HARS2: variants seen among roughly 807,000 people sequenced by gnomAD.
HARS2 encodes the protein histidine--tRNA ligase, mitochondrial.
HARS2 carries 40 observed loss-of-function variants against 62.4 expected under a neutral mutation model. The ratio of observed to expected loss-of-function variants is 0.64; its 90% CI spans 0.50 to 0.83. The LOEUF is 0.83. Ranked by LOEUF, HARS2 falls within the 40% of genes least tolerant of loss-of-function variation. The pLI, the probability that HARS2 is intolerant of heterozygous loss-of-function variation, is 0.00. For synonymous variants in HARS2, 228 were observed against 227.0 expected, an observed-to-expected ratio of 1.00 and a Z score of -0.04; for missense variants, 569 against 626.4, an observed-to-expected ratio of 0.91 and a Z score of 0.98.
At chr5:140,697,139 A>T in intron 9 of HARS2, 25 bp from the exon 10 acceptor site, 2 of 1,614,080 alleles carry the variant, frequency 1.2e-6, no homozygotes, top group Non-Finnish European at 8.5e-7. Context: ...CTAGTTTGGG[A>T]CTGACTGTAA....
intron 1 of HARS2, 155 bp downstream of exon 1, chr5:140,691,911 A>T: frequency 1.5e-6 from 1 of 649,418 alleles, no homozygotes; most frequent in South Asian, 1.7e-5. Context: ...ATGCCTGGTC[A>T]TTTAATCCTT....
In HARS2 at chr5:140,698,548, C is replaced by T. The variant is rs1374843318; in HGVS notation, c.1517C>T (p.Ser506Phe). 2 of 1,611,146 alleles carry T rather than the reference C, an allele frequency of 1.2e-6. No individual in the cohort carries two copies. Among genetic ancestry groups the T allele is most frequent in the Admixed American group, 3.3e-5 (2 of 60,022 alleles). The change falls in exon 13 of 13, where the codon TCT becomes TTT. Residue 506 changes from serine (S) to phenylalanine (F), a missense_variant. Transcript: ENST00000230771. Reference sequence around the variant, plus strand: ...GAAATTCAGAAGCGACTGTCTGAGTCTTGATCCTTGCCTGATTCCCATCTG... The same window carrying T: ...GAAATTCAGAAGCGACTGTCTGAGTTTTGATCCTTGCCTGATTCCCATCTG... ...VAEIQKRLSE[S>F]
intron 12 of HARS2, 140 bp downstream of exon 12, chr5:140,698,218 C>A: frequency 1.1e-6 from 1 of 895,994 alleles, no homozygotes; most frequent in Non-Finnish European, 1.8e-6. Context: ...CTCAAGATGA[C>A]CATTGCTGCC....
In HARS2 at chr5:140,691,743, G is replaced by T. The variant is rs1185984932; in HGVS notation, c.95G>T (p.Arg32Leu). Residue 32 changes from arginine (R) to leucine (L), a missense_variant, in exon 1 of 13, where the codon CGT (arginine) becomes CTT (leucine). Physicochemically the swap from Arg to Leu is moderately radical, Grantham distance 102. Transcript: ENST00000230771. ...PPCASCTGAV[R>L]CQSQVAEAVL... Reference sequence around the variant, plus strand: ...TGCGCTTCGTGCACCGGGGCGGTCCGTTGCCAAAGCCAGGTGAGCGAGACA... The same window carrying T: ...TGCGCTTCGTGCACCGGGGCGGTCCTTTGCCAAAGCCAGGTGAGCGAGACA... 8 of 1,550,620 alleles carry T rather than the reference G, an allele frequency of 5.2e-6. No homozygotes were observed. The highest frequency in any genetic ancestry group is 7.0e-6 in the Non-Finnish European group (8 of 1,146,286).
rs1450494997 is a variant in HARS2 at position 140,691,623 on chromosome 5, C to T, written c.-26C>T. 1.4e-6 allele frequency: 2 copies of T among 1,470,724 alleles called. No individual in the cohort carries two copies. Among genetic ancestry groups the T allele is most frequent in the Admixed American group, 2.0e-5 (1 of 50,940 alleles). The allele number at this position is 1,470,724 out of a possible 1,614,324, so 91.1% of individuals were successfully genotyped here. A position where few individuals can be genotyped will look rare whatever the true frequency, so the allele number is the denominator to read the frequency against. ...CCTTCCCAGGCCTTTTGTTCCTGTC[C>T]CGGAAAGCCGGCGTCCTGCCGCGCG... is the stretch of plus-strand genomic sequence containing the variant. On this transcript the variant is annotated 5_prime_UTR_variant, in exon 1 of 13. Transcript: ENST00000230771.
chr5:140,695,645 G>C lies in HARS2; in HGVS notation c.525+12G>C. Reference sequence around the variant, plus strand: ...AGTTCTGCCAGTGTGTAAGTGACCTGATGGGAGCAGCACAGTTTGATAGTT... The same window carrying C: ...AGTTCTGCCAGTGTGTAAGTGACCTCATGGGAGCAGCACAGTTTGATAGTT... On this transcript the variant is annotated intron_variant, in intron 5 of 12. Coordinates refer to ENST00000230771, the MANE Select transcript of HARS2 (RefSeq NM_012208.4). The C allele has an allele frequency of 6.2e-7, 1 of 1,614,242 alleles. No individual in the cohort carries two copies. The highest frequency in any genetic ancestry group is 8.5e-7 in the Non-Finnish European group (1 of 1,180,028).
Position 140,698,993 on chromosome 5 carries a change from T to C in HARS2, c.*441T>C, listed in dbSNP as rs1270454160. On this transcript the variant is annotated 3_prime_UTR_variant, in exon 13 of 13. Coordinates refer to ENST00000230771, the MANE Select transcript of HARS2 (RefSeq NM_012208.4). ...ATCAGCCATTGGCCTGTCTGGGGAG[T>C]TTTTGGAAGACAGCAAAGAGGGGCA... 2 of 273,496 alleles carry C rather than the reference T, an allele frequency of 7.3e-6. No individual in the cohort carries two copies. Among genetic ancestry groups the C allele is most frequent in the African/African-American group, 4.4e-5 (2 of 45,362 alleles). 16.9% of individuals were successfully genotyped at this position (273,496 alleles called of 1,614,324 possible).
intron 1 of HARS2, among the ~76,000 whole-genome samples, chr5:140,692,815 C>T (rs1445361007): frequency 6.6e-6 from 1 of 151,732 alleles, no homozygotes; most frequent in South Asian, 2.1e-4. Context: ...ATCGCTTGAA[C>T]CCGGGAGGCG....
Position 140,691,738 on chromosome 5 carries a change from G to C in HARS2, c.90G>C (p.Ala30=). The C allele has an allele frequency of 2.6e-6, 4 of 1,551,582 alleles. No homozygotes were observed. The highest frequency in any genetic ancestry group is 3.5e-6 in the Non-Finnish European group (4 of 1,146,996). Residue 30 remains alanine (A), a synonymous_variant, in exon 1 of 13, where the codon GCG becomes GCC. Coordinates refer to ENST00000230771, the MANE Select transcript of HARS2 (RefSeq NM_012208.4). ...CGCCCTGCGCTTCGTGCACCGGGGC[G>C]GTCCGTTGCCAAAGCCAGGTGAGCG... ...LRPPCASCTG[A]VRCQSQVAEA... is the part of the protein sequence containing the mutation.
chr5:140,695,306 T>C (rs1260714409), intron 4 of HARS2, among the ~76,000 whole-genome samples: 2 of 152,226 alleles, frequency 1.3e-5, no homozygotes, highest in Admixed American at 6.5e-5. Flanking sequence ...CTTTTAGTTT[T>C]GCTAGGTGAG....
Position 140,691,723 on chromosome 5 carries a change from T to C in HARS2, c.75T>C (p.Ala25=). The change falls in exon 1 of 13, where the codon GCT becomes GCC. Residue 25 remains alanine, a synonymous_variant. Coordinates refer to ENST00000230771, the MANE Select transcript of HARS2 (RefSeq NM_012208.4). ...GCCAGCTCCTGCGACCGCCCTGCGC[T>C]TCGTGCACCGGGGCGGTCCGTTGCC... is the stretch of plus-strand genomic sequence containing the variant. ...LLSQLLRPPC[A]SCTGAVRCQS... The C allele has an allele frequency of 1.3e-6, 2 of 1,552,596 alleles. No homozygotes were observed. The highest frequency in any genetic ancestry group is 1.7e-6 in the Non-Finnish European group (2 of 1,147,740).
intron 1 of HARS2, chr5:140,693,348 AT>A: frequency 2.9e-6 from 2 of 697,506 alleles, no homozygotes; most frequent in Non-Finnish European, 4.7e-6. Context: ...AAAAAAAAAA[AT>A]CCATATACAG....
rs537026486 is a variant in HARS2 at position 140,695,581 on chromosome 5, G to A, written c.473G>A (p.Arg158Gln). 8.1e-6 allele frequency: 13 copies of A among 1,614,166 alleles called. No homozygotes were observed. The highest frequency in any genetic ancestry group is 6.7e-5 in the Admixed American group (4 of 60,020). The change falls in exon 5 of 13, where the codon CGG becomes CAG. Residue 158 changes from arginine to glutamine, a missense_variant. Coordinates refer to ENST00000230771, the MANE Select transcript of HARS2 (RefSeq NM_012208.4). Reference sequence around the variant, plus strand: ...CGTTATCATGTTGGAAAGGTGTGGCGGCGAGAGAGCCCAACCATAGTCCAA... The same window carrying A: ...CGTTATCATGTTGGAAAGGTGTGGCAGCGAGAGAGCCCAACCATAGTCCAA... The part of the protein sequence containing the change: ...MKRYHVGKVW[R>Q]RESPTIVQGR...
rs1321732825 is a variant in HARS2 at position 140,691,652 on chromosome 5, C to T, written c.4C>T (p.Pro2Ser). 4 of 1,547,504 alleles carry T rather than the reference C, an allele frequency of 2.6e-6. No homozygotes were observed. The highest frequency in any genetic ancestry group is 3.5e-6 in the Non-Finnish European group (4 of 1,143,946). Residue 2 changes from proline to serine, a missense_variant, in exon 1 of 13, where the codon CCC becomes TCC. Coordinates refer to ENST00000230771, the MANE Select transcript of HARS2 (RefSeq NM_012208.4). M[P>S]LLGLLPRRAW... ...AAAGCCGGCGTCCTGCCGCGCGATG[C>T]CCCTGCTCGGACTTCTTCCCAGGAG...
Position 140,695,616 on chromosome 5 carries a change from A to G in HARS2, c.508A>G (p.Arg170Gly), listed in dbSNP as rs906553273. Residue 170 changes from arginine to glycine, a missense_variant, in exon 5 of 13, where the codon AGG becomes GGG. Coordinates refer to ENST00000230771, the MANE Select transcript of HARS2 (RefSeq NM_012208.4). ...CCCAACCATAGTCCAAGGCCGTTATAGGGAGTTCTGCCAGTGTGTAAGTGA... is the reference window on the plus strand; with the variant it reads ...CCCAACCATAGTCCAAGGCCGTTATGGGGAGTTCTGCCAGTGTGTAAGTGA... ...ESPTIVQGRY[R>G]EFCQCDFDIA... 1 of 1,614,136 alleles carries G rather than the reference A, an allele frequency of 6.2e-7. No individual in the cohort carries two copies.
Position 140,691,541 on chromosome 5 carries a change from G to C in HARS2, c.-108G>C, listed in dbSNP as rs1227984904. 4 of 816,792 alleles carry C rather than the reference G, an allele frequency of 4.9e-6. No individual in the cohort carries two copies. In the African/African-American group the frequency reaches 5.1e-5, roughly 10 times the overall value. The allele number at this position is 816,792 out of a possible 1,614,324, so 50.6% of individuals were successfully genotyped here. A position where few individuals can be genotyped will look rare whatever the true frequency, so the allele number is the denominator to read the frequency against. On this transcript the variant is annotated 5_prime_UTR_variant, in exon 1 of 13. Coordinates refer to ENST00000230771, the MANE Select transcript of HARS2 (RefSeq NM_012208.4). ...GTGCGCAAACGCCCGAGTTTTCCCT[G>C]GTGCGCGGGTTCCGCCTTTGCAGTG...
chr5:140,694,649 TGAG>T (rs1390075523), intron 4 of HARS2, among the ~76,000 whole-genome samples: 1 of 152,192 alleles, frequency 6.6e-6, no homozygotes, highest in East Asian at 1.9e-4. Flanking sequence ...GTGGATCACC[TGAG>T]GTCAGGAGTT....
rs1007952867 is a variant in HARS2, at chr5:140,698,846, G to C, written c.*294G>C. 10 of 459,770 alleles carry C rather than the reference G, an allele frequency of 2.2e-5. No individual in the cohort carries two copies. Among genetic ancestry groups the C allele is most frequent in the Non-Finnish European group, 1.2e-5 (3 of 249,212 alleles). 28.5% of individuals were successfully genotyped at this position (459,770 alleles called of 1,614,324 possible). A position where few individuals can be genotyped will look rare whatever the true frequency, so the allele number is the denominator to read the frequency against. On this transcript the variant is annotated 3_prime_UTR_variant, in exon 13 of 13. Coordinates refer to ENST00000230771, the MANE Select transcript of HARS2 (RefSeq NM_012208.4). Reference sequence around the variant, plus strand: ...GTTGTCAAGAGGTAGTGAGATTGTTGCTGTGAGCAAGGCTCTGGGAGAGTC... The same window carrying C: ...GTTGTCAAGAGGTAGTGAGATTGTTCCTGTGAGCAAGGCTCTGGGAGAGTC...
intron 11 of HARS2, 24 bp downstream of exon 11, chr5:140,697,709 C>T (rs1759808615): frequency 3.3e-6 from 5 of 1,508,388 alleles, no homozygotes; most frequent in Admixed American, 1.7e-5. Context: ...GATATCTGAG[C>T]CATCTGGGTA....
Sources: gnomAD v4.1 joint callset for allele counts (sites outside exome capture counted in the v4.1 genomes callset) on GRCh38, gnomAD v4.1.1 for gene constraint, MANE v1.5 for transcripts, NCBI Gene and HGNC (gene_info 2026-07-23, HGNC 2026-07-21) for gene names.